PRKCZ: variants seen among roughly 807,000 people sequenced by gnomAD.
The protein encoded by PRKCZ is protein kinase C zeta, also known as protein kinase C zeta type.
A neutral mutation model predicts 79.5 loss-of-function variants in PRKCZ; 33 were observed. The observed-to-expected ratio is 0.41, with a 90% CI of 0.31 to 0.55. The LOEUF is 0.55. PRKCZ is among the 20% of genes least tolerant of loss of function. The pLI, the probability that PRKCZ is intolerant of heterozygous loss-of-function variation, is 0.19. For missense variants in PRKCZ, 578 were observed against 813.5 expected, an observed-to-expected ratio of 0.71 and a Z score of 3.52; for synonymous variants, 342 against 320.9, an observed-to-expected ratio of 1.07 and a Z score of -0.70.
rs200561820 is a variant in PRKCZ at position 2,172,398 on chromosome 1, G to A, written c.1285+10G>A. ...CGGGGAGAGGAGTACGGTGAGTGCCGCTGCCCTGGCCCCTCTCGGAGCACA... is the reference window on the plus strand; with the variant it reads ...CGGGGAGAGGAGTACGGTGAGTGCCACTGCCCTGGCCCCTCTCGGAGCACA... On this transcript the variant is annotated intron_variant, in intron 13 of 17. Transcript: ENST00000378567. This position sits in a 1 kb window ranked among gnomAD's most constrained non-coding sequence, Gnocchi z 7.8. The A allele has an allele frequency of 4.0e-5, 65 of 1,608,426 alleles. No individual in the cohort carries two copies. Among genetic ancestry groups the A allele is most frequent in the Middle Eastern group, 1.6e-4 (1 of 6,066 alleles).
At chr1:2,140,090 C>G (rs965767628) in intron 5 of PRKCZ, among the ~76,000 whole-genome samples, 9 of 152,202 alleles carry the variant, frequency 5.9e-5, no homozygotes, top group African/African-American at 1.7e-4. Context: ...TCAGAAGATG[C>G]CATCCATGAG....
chr1:2,108,341 G>A (rs1007749078), intron 4 of PRKCZ, among the ~76,000 whole-genome samples: 1 of 152,220 alleles, frequency 6.6e-6, no homozygotes, highest in African/African-American at 2.4e-5. Context: ...GATGGGCGTG[G>A]CCCCTTGTCC....
rs1685981331 is a variant in PRKCZ, at chr1:2,178,825, T to G, written c.1575+3512T>G. ...TGGACTCAGGGTCTCTTTCACGGACTGCGGGGAAGGCAGTGGGAGCAGCAG... is the reference window on the plus strand; with the variant it reads ...TGGACTCAGGGTCTCTTTCACGGACGGCGGGGAAGGCAGTGGGAGCAGCAG... On this transcript the variant is annotated intron_variant, in intron 16 of 17. Transcript: ENST00000378567. The surrounding 1 kb of genome is among the most constrained non-coding windows in gnomAD (Gnocchi z 4.3). Among the ~76,000 whole-genome samples the G allele has an allele frequency of 6.6e-6, 1 of 152,134 alleles. No homozygotes were observed. Among genetic ancestry groups the G allele is most frequent in the African/African-American group, 2.4e-5 (1 of 41,438 alleles).
chr1:2,175,129 G>A, intron 15 of PRKCZ, 95 bp from the exon 16 acceptor site: 3 of 1,061,940 alleles, frequency 2.8e-6, no homozygotes, highest in East Asian at 2.4e-5. Context: ...CATCGGGGGA[G>A]GGCTTGTCAG....
chr1:2,107,953 CAGTGTCAAGGGAGCCCCCA>C (rs1668912047), intron 4 of PRKCZ, among the ~76,000 whole-genome samples: 3 of 150,156 alleles, frequency 2.0e-5, no homozygotes, highest in South Asian at 4.2e-4. Flanking sequence ...GAGCCCCTGG[CAGTGTCAAGGGAGCCCCCA>C]GACAGTGTCA....
rs1250330986 is a variant in PRKCZ at position 2,083,563 on chromosome 1, AT to A, written c.334+23977del. Among the ~76,000 whole-genome samples the A allele has an allele frequency of 2.6e-5, 4 of 152,280 alleles. No individual in the cohort carries two copies. In the East Asian group the frequency reaches 7.7e-4, roughly 29 times the overall value. ...AAATATTCGGCAAGAGAGTGGCAAC[AT>A]TTTTGCATCTGGTTGAGCAGAACAC... On this transcript the variant is annotated intron_variant, in intron 4 of 17. Transcript: ENST00000378567.
At chr1:2,120,305 T>TG in intron 4 of PRKCZ, among the ~76,000 whole-genome samples, 1 of 128,928 alleles carries the variant, frequency 7.8e-6, no homozygotes, top group African/African-American at 2.9e-5. Flanking sequence ...TTTTTTTTTT[T>TG]TTTTTTTTTT....
intron 4 of PRKCZ, chr1:2,073,702 C>T: frequency 1.0e-6 from 1 of 994,082 alleles, no homozygotes; most frequent in Admixed American, 5.6e-5. Context: ...CCGGGTACCA[C>T]CCGGGCCTGG....
rs41315338 is a variant in PRKCZ at position 2,181,944 on chromosome 1, C to T, written c.1576-2639C>T. 8.3e-4 allele frequency: 366 copies of T among 441,148 alleles called. 4 individuals are homozygous for T. The highest frequency in any genetic ancestry group is 1.3e-3 in the Non-Finnish European group (272 of 216,980). The allele number at this position is 441,148 out of a possible 1,614,324, so 27.3% of individuals were successfully genotyped here. A position where few individuals can be genotyped will look rare whatever the true frequency, so the allele number is the denominator to read the frequency against. On this transcript the variant is annotated intron_variant, in intron 16 of 17. Transcript: ENST00000378567. ...GCCGTTCTGCCTAAGGGAACAGCCC[C>T]GGCCCCTCCCTCCGGCTCCTCCCCA...
chr1:2,051,233 C>G lies in PRKCZ; in HGVS notation c.71+532C>G, dbSNP rs539924842. Among the ~76,000 whole-genome samples, 270 of 150,772 alleles carry G rather than the reference C, an allele frequency of 1.8e-3. 12 individuals carry two copies. The South Asian group carries it at 0.054, about 30-fold the overall frequency. Reference sequence around the variant, plus strand: ...TCTGGAGGAGACGGTGGGGCCGAGACTGACCCTGGGGTTTGCGTCGCACCC... The same window carrying G: ...TCTGGAGGAGACGGTGGGGCCGAGAGTGACCCTGGGGTTTGCGTCGCACCC... On this transcript the variant is annotated intron_variant, in intron 1 of 17. Coordinates refer to ENST00000378567, the MANE Select transcript of PRKCZ (RefSeq NM_002744.6).
At chr1:2,115,791 G>A (rs1670642342) in intron 4 of PRKCZ, among the ~76,000 whole-genome samples, 1 of 152,176 alleles carries the variant, frequency 6.6e-6, no homozygotes, top group African/African-American at 2.4e-5. Context: ...TGAGGTATGG[G>A]GGGTGCAGAG....
chr1:2,132,170 T>G (rs1675114335), intron 4 of PRKCZ, among the ~76,000 whole-genome samples: 1 of 152,230 alleles, frequency 6.6e-6, no homozygotes, highest in Admixed American at 6.5e-5. Context: ...TGGCACCATG[T>G]TTCTGTCACC....
intron 4 of PRKCZ, among the ~76,000 whole-genome samples, chr1:2,065,812 T>G (rs533439673): frequency 1.3e-5 from 2 of 152,212 alleles, no homozygotes; most frequent in Non-Finnish European, 2.9e-5. Flanking sequence ...TGGTTTTTAT[T>G]ATGTCGAGAT....
intron 4 of PRKCZ, among the ~76,000 whole-genome samples, chr1:2,080,343 G>T (rs80240763): frequency 6.9e-6 from 1 of 143,908 alleles, no homozygotes; most frequent in Non-Finnish European, 1.5e-5. Context: ...TGGACGTGGC[G>T]GTGCGCGTGG....
At position 2,178,016 on chromosome 1, in the gene PRKCZ, T is replaced by A. The variant is rs1685813013; in HGVS notation, c.1575+2703T>A. ...AGTGTGGCTGTTTTGGCCAGATTGC[T>A]TTAGCTGTCCTCAGCAGGGTTGGTG... On this transcript the variant is annotated intron_variant, in intron 16 of 17. Transcript: ENST00000378567. The surrounding 1 kb of genome is among the most constrained non-coding windows in gnomAD (Gnocchi z 4.3). Among the ~76,000 whole-genome samples the A allele has an allele frequency of 6.6e-6, 1 of 152,200 alleles. No individual in the cohort carries two copies. The highest frequency in any genetic ancestry group is 1.5e-5 in the Non-Finnish European group (1 of 68,040).
chr1:2,173,643 G>T lies in PRKCZ; in HGVS notation c.1286-254G>T, dbSNP rs1684901168. On this transcript the variant is annotated intron_variant, in intron 13 of 17. Coordinates refer to ENST00000378567, the MANE Select transcript of PRKCZ (RefSeq NM_002744.6). The surrounding 1 kb of genome is among the most constrained non-coding windows in gnomAD (Gnocchi z 5.7). ...GCCTCGTGCCGGTGTGGTCACAGGTGCCCTGGCAGGACCGACAGCCCAGAG... is the reference window on the plus strand; with the variant it reads ...GCCTCGTGCCGGTGTGGTCACAGGTTCCCTGGCAGGACCGACAGCCCAGAG... Among the ~76,000 whole-genome samples the T allele has an allele frequency of 6.6e-6, 1 of 152,258 alleles. No individual in the cohort carries two copies. The highest frequency in any genetic ancestry group is 6.5e-5 in the Admixed American group (1 of 15,288).
In PRKCZ at chr1:2,173,762, C is replaced by G; in HGVS notation, c.1286-135C>G. ...GGTTCTGTTTGGGAAGTGGAAGTCA[C>G]AGAGGCCTGTGTGCCGCCTGCTCAA... On this transcript the variant is annotated intron_variant, in intron 13 of 17. Coordinates refer to ENST00000378567, the MANE Select transcript of PRKCZ (RefSeq NM_002744.6). The surrounding 1 kb of genome is among the most constrained non-coding windows in gnomAD (Gnocchi z 5.7). The G allele has an allele frequency of 7.7e-7, 1 of 1,304,082 alleles. No homozygotes were observed. 80.8% of individuals were successfully genotyped at this position (1,304,082 alleles called of 1,614,324 possible).
At chr1:2,092,664 C>T (rs1018312651) in intron 4 of PRKCZ, among the ~76,000 whole-genome samples, 1 of 152,204 alleles carries the variant, frequency 6.6e-6, no homozygotes, top group Non-Finnish European at 1.5e-5. Flanking sequence ...ATAATTTATT[C>T]ATGGATTTTA....
chr1:2,184,768 C>T (rs1355429343), intron 17 of PRKCZ, 70 bp downstream of exon 17: 3 of 1,481,300 alleles, frequency 2.0e-6, no homozygotes, highest in Non-Finnish European at 1.8e-6. Context: ...GCACCTTGGG[C>T]AGCTGGTGAC....
Sources: allele counts gnomAD v4.1 joint callset (sites outside exome capture counted in the v4.1 genomes callset), GRCh38; gene constraint gnomAD v4.1.1; non-coding constraint Gnocchi (gnomAD v3.1); transcripts MANE v1.5; gene names NCBI Gene and HGNC (gene_info 2026-07-23, HGNC 2026-07-21).